The following TCHP variants were observed in gnomAD, a reference collection of about 807,000 sequenced individuals.
The protein encoded by TCHP is trichoplein keratin filament-binding protein.
In TCHP, 81 loss-of-function variants were observed where a neutral mutation model predicts 88.7. That is an observed-to-expected ratio of 0.91 (90% confidence interval 0.76 to 1.10). The LOEUF is 1.10. Among genes scored for constraint, TCHP ranks in the 50% least tolerant of loss-of-function variants. The pLI is 0.00. For missense variants in TCHP, 641 were observed against 632.1 expected (o/e 1.01, Z -0.15); for synonymous variants, 232 against 232.5 (o/e 1.00, Z 0.02).
chr12:109,896,919 A>AAT (rs1035181135), upstream of TCHP, among the ~76,000 whole-genome samples: 6 of 152,114 alleles, frequency 3.9e-5, no homozygotes, highest in African/African-American at 9.7e-5. Context: ...CTCTGTCTCA[A>AAT]ATATATATAT....
Position 109,903,284 on chromosome 12 carries a change from G to A in TCHP, c.188+70G>A, listed in dbSNP as rs923674827. On this transcript the variant is annotated intron_variant, in intron 2 of 12. Coordinates refer to ENST00000405876, the MANE Select transcript of TCHP (RefSeq NM_001143852.2). The surrounding 1 kb of genome is among the most constrained non-coding windows in gnomAD (Gnocchi z 4.6). ...TGCTGGTCAGGGGATGAGGCCTTAA[G>A]GATTTAGGGAGCGTAGGATTTGCCA... The A allele has an allele frequency of 9.0e-6, 13 of 1,440,962 alleles. No individual in the cohort carries two copies. Among genetic ancestry groups the A allele is most frequent in the Non-Finnish European group, 1.0e-5 (11 of 1,051,818 alleles). 89.3% of individuals were successfully genotyped at this position (1,440,962 alleles called of 1,614,324 possible).
chr12:109,902,820 G>T (rs960550155), intron 1 of TCHP, among the ~76,000 whole-genome samples: 2 of 152,192 alleles, frequency 1.3e-5, no homozygotes, highest in Non-Finnish European at 2.9e-5. Context: ...AAAAATGCTG[G>T]TGCCTGGGCC....
At chr12:109,912,846 T>G in intron 9 of TCHP, 145 bp from the exon 10 acceptor site, 1 of 672,220 alleles carries the variant, frequency 1.5e-6, no homozygotes, top group Non-Finnish European at 2.7e-6. Flanking sequence ...CTGTCCTTAA[T>G]TGTAATCTTT....
At chr12:109,881,523 A>C in the TCHP span, among the ~76,000 whole-genome samples, 1 of 152,248 alleles carries the variant, frequency 6.6e-6, no homozygotes, top group African/African-American at 2.4e-5. Context: ...AAATTCTGTA[A>C]GCAGAGCTCT....
chr12:109,884,312 C>T, the TCHP span, among the ~76,000 whole-genome samples: 1 of 152,044 alleles, frequency 6.6e-6, no homozygotes, highest in Non-Finnish European at 1.5e-5. Flanking sequence ...CCTCAGCCTC[C>T]CGAGTAGCTG....
At chr12:109,907,450 A>C in intron 5 of TCHP, 76 bp from the exon 6 acceptor site, 1 of 1,491,792 alleles carries the variant, frequency 6.7e-7, no homozygotes, top group Non-Finnish European at 9.2e-7. Context: ...TGTGGCCTGC[A>C]GAACGGCGGC....
chr12:109,898,659 ACT>A (rs1422129986), upstream of TCHP, among the ~76,000 whole-genome samples: 1 of 151,900 alleles, frequency 6.6e-6, no homozygotes, highest in Non-Finnish European at 1.5e-5. Flanking sequence ...ACAGGGTCTC[ACT>A]CTGTCACTCA....
At chr12:109,895,809 T>C (rs1869544957), upstream of TCHP, among the ~76,000 whole-genome samples, 1 of 152,158 alleles carries the variant, frequency 6.6e-6, no homozygotes, top group African/African-American at 2.4e-5. Flanking sequence ...CATGCTAGGA[T>C]ACCTAAAATC....
intron 5 of TCHP, 139 bp downstream of exon 5, chr12:109,906,779 A>T (rs780609159): frequency 8.9e-6 from 6 of 677,482 alleles, no homozygotes; most frequent in Middle Eastern, 2.7e-4. Context: ...TACTTGACAC[A>T]TGTGAAAACT....
intron 12 of TCHP, among the ~76,000 whole-genome samples, chr12:109,915,948 C>T (rs1870798514): frequency 6.6e-6 from 1 of 152,142 alleles, no homozygotes; most frequent in Non-Finnish European, 1.5e-5. Flanking sequence ...TCCCTCCCTC[C>T]TGTGGGTGTC....
At chr12:109,897,914 G>T (rs960594521), upstream of TCHP, among the ~76,000 whole-genome samples, 1 of 152,142 alleles carries the variant, frequency 6.6e-6, no homozygotes, top group African/African-American at 2.4e-5. Context: ...GGTCTCCTTT[G>T]TTGGGTGGGC....
chr12:109,916,588 C>A lies in TCHP; in HGVS notation c.1465-3C>A. ...CACTCTTATGTTTTCTTTCTTTTCT[C>A]AGCCTTACGGACATCCAAAAATTGC... On this transcript the variant is annotated splice_polypyrimidine_tract_variant and splice_region_variant and intron_variant, in intron 12 of 12. Transcript: ENST00000405876. 6.2e-7 allele frequency: 1 copy of A among 1,613,016 alleles called. No homozygotes were observed. Among genetic ancestry groups the A allele is most frequent in the South Asian group, 1.1e-5 (1 of 90,738 alleles).
chr12:109,906,656 C>T lies in TCHP; in HGVS notation c.525+16C>T. ...AAAAAAACAGGTGTGGTATGTGGCT[C>T]TGGGAATAGCCGCGTATTCTGCTGT... On this transcript the variant is annotated intron_variant, in intron 5 of 12. Transcript: ENST00000405876. The T allele has an allele frequency of 6.3e-7, 1 of 1,596,602 alleles. No individual in the cohort carries two copies. The highest frequency in any genetic ancestry group is 1.1e-5 in the South Asian group (1 of 90,916).
chr12:109,906,553 G>T lies in TCHP; in HGVS notation c.457-19G>T. ...TCTGTCTGGTGAGGAAATTCACATC[G>T]TCCCCCTTCCATCCTCAGATGGAGC... On this transcript the variant is annotated intron_variant, in intron 4 of 12. Coordinates refer to ENST00000405876, the MANE Select transcript of TCHP (RefSeq NM_001143852.2). 6.2e-7 allele frequency: 1 copy of T among 1,612,238 alleles called. No homozygotes were observed. Among genetic ancestry groups the T allele is most frequent in the Non-Finnish European group, 8.5e-7 (1 of 1,179,106 alleles).
At position 109,911,071 on chromosome 12, in the gene TCHP, C is replaced by T; in HGVS notation, c.888C>T (p.Asp296=). 6.3e-7 allele frequency: 1 copy of T among 1,577,880 alleles called. No homozygotes were observed. The highest frequency in any genetic ancestry group is 2.3e-5 in the East Asian group (1 of 43,458). The change falls in exon 9 of 13, where the codon GAC becomes GAT. Residue 296 remains aspartate, a synonymous_variant. Coordinates refer to ENST00000405876, the MANE Select transcript of TCHP (RefSeq NM_001143852.2). ...TQQIQEELEA[D]RRILQALLEK... Reference sequence around the variant, plus strand: ...CCCTCTGCTTCCTCTAGGAGGCAGACAGGCGGATCCTGCAGGCCCTCCTCG... The same window carrying T: ...CCCTCTGCTTCCTCTAGGAGGCAGATAGGCGGATCCTGCAGGCCCTCCTCG...
At chr12:109,895,843 C>T (rs1869545641), upstream of TCHP, among the ~76,000 whole-genome samples, 2 of 152,332 alleles carry the variant, frequency 1.3e-5, no homozygotes, top group South Asian at 4.1e-4. Flanking sequence ...CAGCTCCAAC[C>T]TGCGGGTTCC....
At chr12:109,915,355 G>C (rs752027095) in intron 11 of TCHP, 48 bp from the exon 12 acceptor site, 2 of 1,613,552 alleles carry the variant, frequency 1.2e-6, no homozygotes, top group Non-Finnish European at 1.7e-6. Context: ...GCAGGGCTCT[G>C]CCCTGTGGGC....
the TCHP span, chr12:109,888,283 A>C: frequency 1.3e-5 from 2 of 152,246 alleles, no homozygotes; most frequent in African/African-American, 4.8e-5. Context: ...ATGGGCCATC[A>C]GTTTCTCCCC....
Position 109,903,680 on chromosome 12 carries a change from CA to C in TCHP, c.189-256del, listed in dbSNP as rs1368403199. ...TTTCCTCATCAATCAAGTGGGGCTA[CA>C]GCAGACCTATGCTGTAGGATTTATG... On this transcript the variant is annotated intron_variant, in intron 2 of 12. Transcript: ENST00000405876. This position sits in a 1 kb window ranked among gnomAD's most constrained non-coding sequence, Gnocchi z 4.6. Among the ~76,000 whole-genome samples the C allele has an allele frequency of 1.4e-4, 21 of 152,196 alleles. No homozygotes were observed. Among genetic ancestry groups the C allele is most frequent in the Admixed American group, 7.9e-4 (12 of 15,276 alleles).
Sources: allele counts gnomAD v4.1 joint callset (sites outside exome capture counted in the v4.1 genomes callset), GRCh38; gene constraint gnomAD v4.1.1; non-coding constraint Gnocchi (gnomAD v3.1); transcripts MANE v1.5; gene names NCBI Gene and HGNC (gene_info 2026-07-23, HGNC 2026-07-21).